The following MTHFS variants were observed in gnomAD, a reference collection of about 807,000 sequenced individuals.
The protein encoded by MTHFS is 5-formyltetrahydrofolate cyclo-ligase.
Under a neutral mutation model 12.7 loss-of-function variants are expected in MTHFS, and 7 were observed. That is an observed-to-expected ratio of 0.55 (90% CI 0.31 to 1.03). The LOEUF is 1.03. Among genes scored for constraint, MTHFS ranks in the 50% least tolerant of loss-of-function variants. The probability of loss-of-function intolerance (pLI) is 0.05; values close to 1 mark genes in which losing one functional copy is unlikely to be tolerated. For synonymous variants in MTHFS, 100 were observed against 97.1 expected, an observed-to-expected ratio of 1.03 and a Z score of -0.18; for missense variants, 252 against 258.1, an observed-to-expected ratio of 0.98 and a Z score of 0.16.
At chr15:79,872,338 CCTT>C (rs1363156466) in intron 2 of MTHFS, among the ~76,000 whole-genome samples, 1 of 152,132 alleles carries the variant, frequency 6.6e-6, no homozygotes, top group Non-Finnish European at 1.5e-5. Context: ...AGCCCTATGA[CCTT>C]CTGGTCTTGT....
At chr15:79,870,683 T>C (rs1160744551) in intron 2 of MTHFS, among the ~76,000 whole-genome samples, 3 of 152,214 alleles carry the variant, frequency 2.0e-5, no homozygotes, top group African/African-American at 7.2e-5. Flanking sequence ...CAAGGAATCA[T>C]GAACCCAGGA....
intron 2 of MTHFS, among the ~76,000 whole-genome samples, chr15:79,852,439 C>T (rs538047338): frequency 6.6e-4 from 100 of 152,302 alleles, no homozygotes; most frequent in Admixed American, 1.1e-3. Flanking sequence ...AACTGAGCCA[C>T]CTATTATTAT....
intron 2 of MTHFS, among the ~76,000 whole-genome samples, chr15:79,872,506 G>A (rs2034124779): frequency 6.6e-6 from 1 of 152,238 alleles, no homozygotes; most frequent in Admixed American, 6.5e-5. Flanking sequence ...ACTGCTCCTT[G>A]CAGAGTAGGG....
chr15:79,865,751 T>C lies in MTHFS; in HGVS notation c.380-20309A>G, dbSNP rs528054123. Among the ~76,000 whole-genome samples, 95 of 152,356 alleles carry C rather than the reference T, an allele frequency of 6.2e-4. 1 individual carries two copies. Among genetic ancestry groups the C allele is most frequent in the Admixed American group, 2.5e-3 (38 of 15,314 alleles). ...TCTTCTGCCCCTGCAAATACTGGGC[T>C]ATGCTGACAAAAACCAACCATGGAG... is the stretch of plus-strand genomic sequence containing the variant. On this transcript the variant is annotated intron_variant, in intron 2 of 2. Coordinates refer to ENST00000258874, the MANE Select transcript of MTHFS (RefSeq NM_006441.4).
chr15:79,858,788 G>A (rs555908331), intron 2 of MTHFS, among the ~76,000 whole-genome samples: 2 of 152,266 alleles, frequency 1.3e-5, no homozygotes, highest in South Asian at 2.1e-4. Context: ...AGTTTCTTAT[G>A]AAATTATATC....
At position 79,874,514 on chromosome 15, in the gene MTHFS, C is replaced by A. The variant is rs80327340; in HGVS notation, c.379+14579G>T. On this transcript the variant is annotated intron_variant, in intron 2 of 2. Transcript: ENST00000258874. Reference sequence around the variant, plus strand: ...TCCCTGAAAAGGTGCATTGTCAGGTCTTATCTTTACTTGATCTGACTCATA... The same window carrying A: ...TCCCTGAAAAGGTGCATTGTCAGGTATTATCTTTACTTGATCTGACTCATA... 0.019 allele frequency among the ~76,000 whole-genome samples: 2,870 copies of A among 152,224 alleles called. 222 individuals carry two copies. The East Asian group carries it at 0.25, about 14-fold the overall frequency.
chr15:79,846,928 G>A (rs1283189128), intron 2 of MTHFS, among the ~76,000 whole-genome samples: 5 of 152,220 alleles, frequency 3.3e-5, no homozygotes, highest in Admixed American at 3.3e-4. Context: ...GCTCTGTAAG[G>A]TCCTCTGGAG....
At chr15:79,855,909 G>A (rs540944638) in intron 2 of MTHFS, among the ~76,000 whole-genome samples, 1 of 152,180 alleles carries the variant, frequency 6.6e-6, no homozygotes, top group African/African-American at 2.4e-5. Flanking sequence ...TCTTTATTCA[G>A]TCCACTATTG....
intron 2 of MTHFS, among the ~76,000 whole-genome samples, chr15:79,887,328 C>T (rs922224109): frequency 1.4e-4 from 21 of 152,296 alleles, no homozygotes; most frequent in Admixed American, 3.3e-4. Context: ...AAAAATAATG[C>T]TTCTTCCTTA....
In MTHFS at chr15:79,853,886, A is replaced by G. The variant is rs140657506; in HGVS notation, c.380-8444T>C. Among the ~76,000 whole-genome samples, 249 of 152,338 alleles carry G rather than the reference A, an allele frequency of 1.6e-3. 2 individuals carry two copies. The highest frequency in any genetic ancestry group is 5.8e-3 in the African/African-American group (241 of 41,568). ...TCTGTTTACAAACCAAGAAAAATGAAGTTGCTCTTTTATAATTTCTTTCAG... is the reference window on the plus strand; with the variant it reads ...TCTGTTTACAAACCAAGAAAAATGAGGTTGCTCTTTTATAATTTCTTTCAG... On this transcript the variant is annotated intron_variant, in intron 2 of 2. Coordinates refer to ENST00000258874, the MANE Select transcript of MTHFS (RefSeq NM_006441.4).
intron 1 of MTHFS, among the ~76,000 whole-genome samples, chr15:79,891,963 C>CAAAAAAAAAAAAAAAAAAAAAAA: frequency 2.4e-5 from 2 of 84,264 alleles, no homozygotes; most frequent in South Asian, 4.3e-4. Context: ...AACTCCATCT[C>CAAAAAAAAAAAAAAAAAAAAAAA]AAAAAAAAAA....
At chr15:79,849,746 CTG>C (rs1233281633) in intron 2 of MTHFS, among the ~76,000 whole-genome samples, 2 of 152,254 alleles carry the variant, frequency 1.3e-5, no homozygotes, top group Non-Finnish European at 2.9e-5. Flanking sequence ...GCTTCACATT[CTG>C]TGTTAGTGGG....
chr15:79,871,958 A>AG, intron 2 of MTHFS, among the ~76,000 whole-genome samples: 1 of 152,050 alleles, frequency 6.6e-6, no homozygotes, highest in East Asian at 1.9e-4. Context: ...TACAAAAATT[A>AG]GCCGGGCATG....
chr15:79,889,440 C>T (rs947248268), intron 1 of MTHFS, 86 bp from the exon 2 acceptor site: 3 of 1,256,290 alleles, frequency 2.4e-6, no homozygotes, highest in African/African-American at 1.5e-5. Context: ...TCTCAGCCTT[C>T]TCCAATTTCT....
chr15:79,891,777 G>C (rs773812766), intron 1 of MTHFS, among the ~76,000 whole-genome samples: 2 of 152,002 alleles, frequency 1.3e-5, no homozygotes, highest in Non-Finnish European at 2.9e-5. Context: ...AGGCCAGCCT[G>C]ACCAACATGG....
chr15:79,884,639 T>C (rs1596079700), intron 2 of MTHFS, among the ~76,000 whole-genome samples: 1 of 152,030 alleles, frequency 6.6e-6, no homozygotes, highest in Non-Finnish European at 1.5e-5. Context: ...AATAAGTAGA[T>C]GGTGGGAAGG....
chr15:79,850,534 T>C (rs1332436415), intron 2 of MTHFS, among the ~76,000 whole-genome samples: 2 of 152,164 alleles, frequency 1.3e-5, no homozygotes, highest in African/African-American at 2.4e-5. Flanking sequence ...TAACATGTTA[T>C]TTACAAAAAC....
At chr15:79,872,267 A>G (rs984869764) in intron 2 of MTHFS, among the ~76,000 whole-genome samples, 1 of 152,226 alleles carries the variant, frequency 6.6e-6, no homozygotes, top group Admixed American at 6.5e-5. Flanking sequence ...TAAGCACACT[A>G]CAATGAAGAA....
Position 79,889,262 on chromosome 15 carries a change from G to A in MTHFS, c.210C>T (p.Asp70=), listed in dbSNP as rs2034432353. The change falls in exon 2 of 3, where the codon GAC becomes GAT. Residue 70 remains aspartate (D), a synonymous_variant. Transcript: ENST00000258874. ...DEIETEEIIK[D]IFQRGKICFI... ...AGCAGATTTTGCCTCGTTGGAAAAT[G>A]TCCTTGATGATCTCTTCTGTCTCAA... 1 of 1,614,162 alleles carries A rather than the reference G, an allele frequency of 6.2e-7. No homozygotes were observed. The highest frequency in any genetic ancestry group is 8.5e-7 in the Non-Finnish European group (1 of 1,180,024).
Sources: gnomAD v4.1 joint callset for allele counts (sites outside exome capture counted in the v4.1 genomes callset) on GRCh38, gnomAD v4.1.1 for gene constraint, MANE v1.5 for transcripts, NCBI Gene and HGNC (gene_info 2026-07-23, HGNC 2026-07-21) for gene names.